IL1RAPL2: variants seen among roughly 807,000 people sequenced by gnomAD.
The protein encoded by IL1RAPL2 is interleukin 1 receptor accessory protein like 2, also known as X-linked interleukin-1 receptor accessory protein-like 2.
Under a neutral mutation model 44.1 loss-of-function variants are expected in IL1RAPL2, and 3 were observed. The ratio of observed to expected loss-of-function variants is 0.07; its 90% CI spans 0.03 to 0.18. The LOEUF (loss-of-function observed/expected upper bound fraction) is 0.18, where lower values mean the gene tolerates loss of function less well. Among genes scored for constraint, IL1RAPL2 ranks in the 10% least tolerant of loss-of-function variants. The pLI is 1.00. For synonymous variants in IL1RAPL2, 181 were observed against 178.8 expected, an observed-to-expected ratio of 1.01 and a Z score of -0.10; for missense variants, 391 against 496.4, an observed-to-expected ratio of 0.79 and a Z score of 2.02.
intron 1 of IL1RAPL2, among the ~76,000 whole-genome samples, chrX:104,613,897 A>G (rs996921380): frequency 7.6e-5 from 8 of 105,363 alleles, no homozygotes; most frequent in African/African-American, 2.8e-4. Flanking sequence ...CAGAGTTTCA[A>G]TTTCTTCCTG....
At chrX:105,472,890 A>G (rs2036174521) in intron 5 of IL1RAPL2, among the ~76,000 whole-genome samples, 1 of 111,934 alleles carries the variant, frequency 8.9e-6, no homozygotes, top group African/African-American at 3.2e-5. Context: ...AAATATTATT[A>G]CATATTCATC....
chrX:104,945,717 AAG>A (rs1378942046), intron 2 of IL1RAPL2, among the ~76,000 whole-genome samples: 1 of 112,229 alleles, frequency 8.9e-6, no homozygotes, highest in Non-Finnish European at 1.9e-5. Flanking sequence ...AATGCTCAGC[AAG>A]ACAAAATTTT....
intron 2 of IL1RAPL2, among the ~76,000 whole-genome samples, chrX:104,922,104 T>G (rs1232839692): frequency 8.9e-6 from 1 of 111,756 alleles, no homozygotes; most frequent in Non-Finnish European, 1.9e-5. Flanking sequence ...AACCCAGCCC[T>G]GCCCAGTTTT....
At chrX:104,823,464 G>A (rs1338021953) in intron 2 of IL1RAPL2, among the ~76,000 whole-genome samples, 23 of 109,713 alleles carry the variant, frequency 2.1e-4, no homozygotes, top group East Asian at 1.7e-3. Flanking sequence ...ATTCCATGGT[G>A]TATATGTGCC....
At chrX:105,378,280 A>G (rs1426444343) in intron 5 of IL1RAPL2, among the ~76,000 whole-genome samples, 2 of 111,994 alleles carry the variant, frequency 1.8e-5, no homozygotes, top group Non-Finnish European at 3.8e-5. Context: ...AATATTTTAC[A>G]TGAAAACTGA....
intron 2 of IL1RAPL2, among the ~76,000 whole-genome samples, chrX:104,891,897 T>C (rs1013965885): frequency 9.0e-6 from 1 of 111,427 alleles, no homozygotes; most frequent in Non-Finnish European, 1.9e-5. Context: ...ATGCTTCCAG[T>C]TTTTGCCCAT....
intron 5 of IL1RAPL2, among the ~76,000 whole-genome samples, chrX:105,268,335 C>A (rs1225533799): frequency 9.0e-6 from 1 of 110,932 alleles, no homozygotes. Flanking sequence ...GAATGTGTTG[C>A]AAAAGAGAGT....
At chrX:105,037,584 T>C (rs1266904045) in intron 2 of IL1RAPL2, among the ~76,000 whole-genome samples, 1 of 111,347 alleles carries the variant, frequency 9.0e-6, no homozygotes, top group Non-Finnish European at 1.9e-5. Flanking sequence ...TAGGTATTTA[T>C]CCCTGATTCC....
At chrX:104,776,227 C>A (rs1932717076) in intron 2 of IL1RAPL2, among the ~76,000 whole-genome samples, 1 of 111,989 alleles carries the variant, frequency 8.9e-6, no homozygotes, top group Non-Finnish European at 1.9e-5. Context: ...TTTGGAGGAT[C>A]CTTGCAGTAG....
chrX:105,346,808 A>T (rs765518599), intron 5 of IL1RAPL2, among the ~76,000 whole-genome samples: 15 of 112,105 alleles, frequency 1.3e-4, no homozygotes, highest in Non-Finnish European at 2.6e-4. Flanking sequence ...GCAGATTTTT[A>T]AAAAAAGACT....
chrX:105,604,423 C>A (rs1199494735), intron 6 of IL1RAPL2, among the ~76,000 whole-genome samples: 1 of 109,971 alleles, frequency 9.1e-6, no homozygotes, highest in African/African-American at 3.3e-5. Context: ...TTCCTGGACA[C>A]ATACAACATA....
chrX:104,817,774 T>C (rs1921175864), intron 2 of IL1RAPL2, among the ~76,000 whole-genome samples: 1 of 111,951 alleles, frequency 8.9e-6, no homozygotes, highest in African/African-American at 3.2e-5. Context: ...GATAAAATAA[T>C]AAGCACAGTG....
At chrX:105,223,500 C>T (rs782136717) in intron 3 of IL1RAPL2, among the ~76,000 whole-genome samples, 1 of 112,213 alleles carries the variant, frequency 8.9e-6, no homozygotes, top group East Asian at 2.8e-4. Flanking sequence ...ATACTTTAAA[C>T]ATGAACTTCA....
At chrX:105,545,382 C>T (rs1171244226) in intron 6 of IL1RAPL2, among the ~76,000 whole-genome samples, 3 of 112,264 alleles carry the variant, frequency 2.7e-5, no homozygotes, top group African/African-American at 9.7e-5. Context: ...ATGCTTACCA[C>T]TTGCAGAGTG....
At chrX:105,588,457 C>T (rs772186416) in intron 6 of IL1RAPL2, among the ~76,000 whole-genome samples, 3 of 111,299 alleles carry the variant, frequency 2.7e-5, no homozygotes, top group Admixed American at 9.6e-5. Context: ...TGCACATCAC[C>T]GGGGTTTGGT....
At chrX:104,892,252 T>A (rs1923477599) in intron 2 of IL1RAPL2, among the ~76,000 whole-genome samples, 1 of 111,844 alleles carries the variant, frequency 8.9e-6, no homozygotes, top group Non-Finnish European at 1.9e-5. Flanking sequence ...TGGTCTAAAA[T>A]TCTCTTTTTT....
intron 5 of IL1RAPL2, among the ~76,000 whole-genome samples, chrX:105,277,287 T>C (rs1005360620): frequency 1.8e-5 from 2 of 112,392 alleles, no homozygotes; most frequent in African/African-American, 3.2e-5. Context: ...CAGCAGTCAA[T>C]AGTTCTTGGA....
chrX:105,031,914 G>A (rs1020980483), intron 2 of IL1RAPL2, among the ~76,000 whole-genome samples: 2 of 111,498 alleles, frequency 1.8e-5, no homozygotes, highest in Non-Finnish European at 3.8e-5. Context: ...GCCTGTTATT[G>A]GTCTCTTCAG....
At chrX:104,742,754 CTCTT>C (rs942918114) in intron 2 of IL1RAPL2, among the ~76,000 whole-genome samples, 2 of 111,700 alleles carry the variant, frequency 1.8e-5, no homozygotes, top group African/African-American at 3.3e-5. Flanking sequence ...TAATACTTAA[CTCTT>C]TCTTACCCCC....
Sources: gnomAD v4.1 joint callset for allele counts (sites outside exome capture counted in the v4.1 genomes callset) on GRCh38, gnomAD v4.1.1 for gene constraint, MANE v1.5 for transcripts, NCBI Gene and HGNC (gene_info 2026-07-23, HGNC 2026-07-21) for gene names.